The following ELFN1 variants were observed in gnomAD, a reference collection of about 807,000 sequenced individuals.
The protein encoded by ELFN1 is extracellular leucine rich repeat and fibronectin type III domain containing 1.
A neutral mutation model predicts 7.6 loss-of-function variants in ELFN1; 6 were observed. That is an observed-to-expected ratio of 0.79 (90% CI 0.43 to 1.56). The LOEUF (loss-of-function observed/expected upper bound fraction) is 1.56. ELFN1 is among the 40% of genes most tolerant of loss of function. The pLI is 0.01. For synonymous variants in ELFN1, 657 were observed against 588.1 expected, an observed-to-expected ratio of 1.12 and a Z score of -1.70; for missense variants, 1,169 against 1,232.2, an observed-to-expected ratio of 0.95 and a Z score of 0.77.
At chr7:1,685,050 T>A (rs1021162732) in intron 1 of ELFN1, among the ~76,000 whole-genome samples, 1 of 152,246 alleles carries the variant, frequency 6.6e-6, no homozygotes, top group Non-Finnish European at 1.5e-5. Context: ...TAGCCCCAGA[T>A]TCTTTCAGTT....
chr7:1,715,556 C>T (rs1223453072), intron 3 of ELFN1, among the ~76,000 whole-genome samples: 3 of 152,200 alleles, frequency 2.0e-5, no homozygotes, highest in Admixed American at 2.0e-4. Flanking sequence ...CTTCTGCCTC[C>T]CAGAAAGCCC....
intron 2 of ELFN1, chr7:1,693,339 G>C: frequency 2.2e-6 from 1 of 461,996 alleles, no homozygotes; most frequent in Non-Finnish European, 4.6e-6. Context: ...CAAGAGTCTG[G>C]GCAGGCGTGG....
Position 1,670,682 on chromosome 7 carries a change from C to T in ELFN1, c.-549+328C>T, listed in dbSNP as rs1285968963. On this transcript the variant is annotated intron_variant, in intron 1 of 3. Coordinates refer to ENST00000424383, the MANE Select transcript of ELFN1 (RefSeq NM_001128636.4). This position sits in a 1 kb window ranked among gnomAD's most constrained non-coding sequence, Gnocchi z 6.4. ...CCAGCGCCTCTCTCCCTTCCGTCCC[C>T]CTTCGCCGTCCGCACCCTGCCCGGC... Among the ~76,000 whole-genome samples the T allele has an allele frequency of 3.3e-5, 5 of 152,202 alleles. No homozygotes were observed. The highest frequency in any genetic ancestry group is 3.3e-4 in the Admixed American group (5 of 15,284).
At position 1,688,431 on chromosome 7, in the gene ELFN1, A is replaced by G. The variant is rs575229578; in HGVS notation, c.-456+281A>G. Among the ~76,000 whole-genome samples, 4 of 152,218 alleles carry G rather than the reference A, an allele frequency of 2.6e-5. No homozygotes were observed. The South Asian group carries it at 6.2e-4, about 24-fold the overall frequency. ...CTTAAGTTCTTGAAGATGCTCTTCT[A>G]TGTAATCTTCTAGGAGCTTTATTGT... On this transcript the variant is annotated intron_variant, in intron 2 of 3. Transcript: ENST00000424383.
chr7:1,674,070 T>C lies in ELFN1; in HGVS notation c.-549+3716T>C, dbSNP rs151218354. On this transcript the variant is annotated intron_variant, in intron 1 of 3. Transcript: ENST00000424383. Reference sequence around the variant, plus strand: ...AGTCAGGCGGCGAGGACCACTGCTCTGCTCCCTGCTCCGGGCCGTGAGGGG... The same window carrying C: ...AGTCAGGCGGCGAGGACCACTGCTCCGCTCCCTGCTCCGGGCCGTGAGGGG... Among the ~76,000 whole-genome samples the C allele has an allele frequency of 4.9e-3, 745 of 151,612 alleles. 4 individuals carry two copies. Among genetic ancestry groups the C allele is most frequent in the Non-Finnish European group, 8.7e-3 (588 of 67,864 alleles).
chr7:1,679,565 C>T (rs1455740525), intron 1 of ELFN1, among the ~76,000 whole-genome samples: 1 of 152,202 alleles, frequency 6.6e-6, no homozygotes, highest in African/African-American at 2.4e-5. Context: ...TCAGCCCCGT[C>T]CCTACCGAGC....
intron 1 of ELFN1, among the ~76,000 whole-genome samples, chr7:1,677,395 G>A (rs1378520005): frequency 6.6e-6 from 1 of 152,214 alleles, no homozygotes. Flanking sequence ...GGGATTCTCA[G>A]ATCTTCATTT....
At chr7:1,672,436 G>A (rs1024952022) in intron 1 of ELFN1, among the ~76,000 whole-genome samples, 2 of 152,002 alleles carry the variant, frequency 1.3e-5, no homozygotes, top group African/African-American at 4.8e-5. Flanking sequence ...GCCAGAGCCT[G>A]GAGTAGTTGC....
At chr7:1,733,591 G>A (rs2128599669) in intron 3 of ELFN1, among the ~76,000 whole-genome samples, 1 of 152,236 alleles carries the variant, frequency 6.6e-6, no homozygotes, top group East Asian at 1.9e-4. Context: ...CCTGCCTGGG[G>A]CGGCCGCATC....
chr7:1,706,801 C>T (rs1482572325), intron 2 of ELFN1, among the ~76,000 whole-genome samples: 2 of 152,230 alleles, frequency 1.3e-5, no homozygotes, highest in Non-Finnish European at 2.9e-5. Flanking sequence ...ACCTTGTGTC[C>T]AGCCCCTCGG....
chr7:1,742,608 C>G (rs956584894), intron 3 of ELFN1, among the ~76,000 whole-genome samples: 1 of 152,206 alleles, frequency 6.6e-6, no homozygotes, highest in Non-Finnish European at 1.5e-5. Context: ...TTTCCCTACC[C>G]AAGCAGCCCC....
chr7:1,697,657 G>A (rs549286883), intron 2 of ELFN1, among the ~76,000 whole-genome samples: 41 of 151,874 alleles, frequency 2.7e-4, no homozygotes, highest in Non-Finnish European at 5.2e-4. Context: ...TCTCTAGGGC[G>A]GTGTCCACTT....
chr7:1,682,656 G>T (rs1441775290), intron 1 of ELFN1, among the ~76,000 whole-genome samples: 1 of 150,646 alleles, frequency 6.6e-6, no homozygotes, highest in African/African-American at 2.4e-5. Context: ...TGTTACTGAG[G>T]CTGGTCTTGA....
intron 1 of ELFN1, among the ~76,000 whole-genome samples, chr7:1,680,473 C>CTTGT (rs1225809812): frequency 6.6e-6 from 1 of 152,192 alleles, no homozygotes; most frequent in Non-Finnish European, 1.5e-5. Flanking sequence ...CTGTGCTGCG[C>CTTGT]TTGTTTCCCT....
intron 2 of ELFN1, among the ~76,000 whole-genome samples, chr7:1,697,501 G>A (rs1308686943): frequency 3.3e-5 from 5 of 152,224 alleles, no homozygotes; most frequent in Admixed American, 6.5e-5. Context: ...AGGCCAGCCC[G>A]GTGTATAGCA....
intron 3 of ELFN1, among the ~76,000 whole-genome samples, chr7:1,733,341 C>T (rs775857090): frequency 4.6e-5 from 7 of 152,192 alleles, no homozygotes; most frequent in East Asian, 1.9e-4. Context: ...GGCTGGTGGC[C>T]GGGGAAGCCT....
In ELFN1 at chr7:1,744,461, C is replaced by T. The variant is rs1048506104; in HGVS notation, c.-136C>T. 14 of 1,045,958 alleles carry T rather than the reference C, an allele frequency of 1.3e-5. No individual in the cohort carries two copies. Among genetic ancestry groups the T allele is most frequent in the African/African-American group, 5.1e-5 (3 of 59,360 alleles). 64.8% of individuals were successfully genotyped at this position (1,045,958 alleles called of 1,614,324 possible). Reference sequence around the variant, plus strand: ...CCCGCGCTTACGTCGCGCGGCCATGCGGTTTGGGACAGGACACCCCTGAGA... The same window carrying T: ...CCCGCGCTTACGTCGCGCGGCCATGTGGTTTGGGACAGGACACCCCTGAGA... On this transcript the variant is annotated 5_prime_UTR_variant, in exon 4 of 4. Coordinates refer to ENST00000424383, the MANE Select transcript of ELFN1 (RefSeq NM_001128636.4).
At chr7:1,729,537 C>T (rs1046697802) in intron 3 of ELFN1, among the ~76,000 whole-genome samples, 11 of 152,230 alleles carry the variant, frequency 7.2e-5, no homozygotes, top group Non-Finnish European at 1.3e-4. Context: ...TTCTAGGACA[C>T]AGGAGGCAGG....
intron 3 of ELFN1, among the ~76,000 whole-genome samples, chr7:1,722,492 C>G (rs137894662): frequency 2.6e-4 from 39 of 152,064 alleles, no homozygotes; most frequent in African/African-American, 8.2e-4. Context: ...TGGTCTCGAA[C>G]TCCTGACCTC....
Sources: allele counts gnomAD v4.1 joint callset (sites outside exome capture counted in the v4.1 genomes callset), GRCh38; gene constraint gnomAD v4.1.1; non-coding constraint Gnocchi (gnomAD v3.1); transcripts MANE v1.5; gene names NCBI Gene and HGNC (gene_info 2026-07-23, HGNC 2026-07-21).